ZMYM5: variants seen among roughly 807,000 people sequenced by gnomAD.
ZMYM5 encodes the protein zinc finger MYM-type containing 5.
In ZMYM5, 41 loss-of-function variants were observed where a neutral mutation model predicts 61.8. The ratio of observed to expected loss-of-function variants is 0.66; its 90% CI spans 0.52 to 0.86. The LOEUF is 0.86. Among genes scored for constraint, ZMYM5 ranks in the 40% least tolerant of loss-of-function variants. The pLI is 0.00. For synonymous variants in ZMYM5, 257 were observed against 276.4 expected (o/e 0.93, Z 0.70); for missense variants, 706 against 786.7 (o/e 0.90, Z 1.23).
chr13:19,861,345 T>C (rs1050133184), intron 2 of ZMYM5, among the ~76,000 whole-genome samples: 2 of 152,068 alleles, frequency 1.3e-5, no homozygotes, highest in Non-Finnish European at 2.9e-5. Context: ...GAAAGAGTTT[T>C]GCCATGTTGT....
chr13:19,847,266 C>T (rs1316825522), intron 4 of ZMYM5, among the ~76,000 whole-genome samples: 1 of 152,020 alleles, frequency 6.6e-6, no homozygotes, highest in Non-Finnish European at 1.5e-5. Context: ...CTTAATTATA[C>T]GGTTACAAAT....
intron 4 of ZMYM5, among the ~76,000 whole-genome samples, chr13:19,850,682 A>G (rs372149044): frequency 6.6e-6 from 1 of 152,130 alleles, no homozygotes; most frequent in East Asian, 1.9e-4. Flanking sequence ...GCAAAAATTG[A>G]AATTTTAAAT....
intron 7 of ZMYM5, among the ~76,000 whole-genome samples, chr13:19,826,757 T>TAAA (rs34298303): frequency 7.8e-6 from 1 of 128,792 alleles, no homozygotes. Flanking sequence ...TCCGTCTCGT[T>TAAA]AAAAAAAAAA....
At chr13:19,862,996 G>C (rs1378849367) in intron 1 of ZMYM5, among the ~76,000 whole-genome samples, 1 of 152,230 alleles carries the variant, frequency 6.6e-6, no homozygotes, top group Non-Finnish European at 1.5e-5. Context: ...GAGCGAAGGA[G>C]GGGACCCAGC....
At position 19,852,045 on chromosome 13, in the gene ZMYM5, A is replaced by G; in HGVS notation, c.136T>C (p.Ser46Pro). ...GHPACPLVSR[S>P]RNSPVEDDDD... ...TCATCTTCCACTGGTGAGTTCCTAG[A>G]TCTACTGACTAAAGGACAAGCTGGA... The change falls in exon 3 of 8, where the codon TCT becomes CCT. Residue 46 changes from serine (S) to proline (P), a missense_variant. Transcript: ENST00000337963. 1 of 1,613,952 alleles carries G rather than the reference A, an allele frequency of 6.2e-7. No homozygotes were observed.
chr13:19,840,831 C>T (rs1952844946), intron 4 of ZMYM5, among the ~76,000 whole-genome samples: 1 of 152,196 alleles, frequency 6.6e-6, no homozygotes, highest in Non-Finnish European at 1.5e-5. Flanking sequence ...GCACCCGCCA[C>T]CATGCCCGGC....
In ZMYM5 at chr13:19,851,904, G is replaced by C; in HGVS notation, c.277C>G (p.Gln93Glu). The change falls in exon 3 of 8, where the codon CAA (glutamine) becomes GAA (glutamate). Residue 93 changes from glutamine to glutamate, a missense_variant. Around this residue, in one of 2 missense-constraint regions of ZMYM5, gnomAD observed 480 missense variants for 461.7 expected, o/e 1.04. Transcript: ENST00000337963. ...GGAGGAATTACAGAATAATTTCCTTGAGGCTTTTCATTTTTTGATGATGCA... is the reference window on the plus strand; with the variant it reads ...GGAGGAATTACAGAATAATTTCCTTCAGGCTTTTCATTTTTTGATGATGCA... ...IFASSKNEKP[Q>E]GNYSVIPPSS... 6.2e-7 allele frequency: 1 copy of C among 1,612,880 alleles called. No individual in the cohort carries two copies. Among genetic ancestry groups the C allele is most frequent in the Non-Finnish European group, 8.5e-7 (1 of 1,179,750 alleles).
intron 6 of ZMYM5, 140 bp from the exon 7 acceptor site, chr13:19,835,829 T>A (rs1952657091): frequency 1.8e-6 from 1 of 567,608 alleles, no homozygotes. Context: ...GGAAAAGATT[T>A]TTTTTTTTTT....
At chr13:19,860,886 G>A (rs907835141) in intron 2 of ZMYM5, among the ~76,000 whole-genome samples, 1 of 144,050 alleles carries the variant, frequency 6.9e-6, no homozygotes, top group African/African-American at 2.5e-5. Context: ...ATCTCAGGTG[G>A]GGGGGGGGGA....
At chr13:19,844,834 G>A (rs1953018607) in intron 4 of ZMYM5, among the ~76,000 whole-genome samples, 1 of 152,114 alleles carries the variant, frequency 6.6e-6, no homozygotes, top group Non-Finnish European at 1.5e-5. Flanking sequence ...TGTTGGCCAG[G>A]CTGGTCTGAA....
Position 19,824,304 on chromosome 13 carries a change from T to A in ZMYM5, c.*173A>T, listed in dbSNP as rs1890801442. On this transcript the variant is annotated 3_prime_UTR_variant, in exon 8 of 8. Transcript: ENST00000337963. ...GATTGAATCTAATTAGTTTTAGATT[T>A]AGAATGGAAACATTCTTTGCTATTT... 2.9e-6 allele frequency: 1 copy of A among 345,676 alleles called. No individual in the cohort carries two copies. The highest frequency in any genetic ancestry group is 1.5e-4 in the East Asian group (1 of 6,670). 21.4% of individuals were successfully genotyped at this position (345,676 alleles called of 1,614,324 possible). A position where few individuals can be genotyped will look rare whatever the true frequency, so the allele number is the denominator to read the frequency against.
intron 4 of ZMYM5, among the ~76,000 whole-genome samples, chr13:19,846,442 C>G (rs1257190106): frequency 1.3e-5 from 2 of 151,638 alleles, no homozygotes; most frequent in Non-Finnish European, 2.9e-5. Flanking sequence ...TTCAAGAAAA[C>G]AGAGTATTTG....
intron 4 of ZMYM5, among the ~76,000 whole-genome samples, chr13:19,850,794 A>G (rs967818635): frequency 2.0e-5 from 3 of 152,174 alleles, no homozygotes; most frequent in African/African-American, 4.8e-5. Flanking sequence ...TAAAGAAGGT[A>G]AAGTATTTCA....
intron 5 of ZMYM5, among the ~76,000 whole-genome samples, 185 bp from the exon 6 acceptor site, chr13:19,838,006 G>A (rs1395153143): frequency 6.6e-6 from 1 of 152,158 alleles, no homozygotes; most frequent in African/African-American, 2.4e-5. Context: ...TACAGAAAGA[G>A]AAGAGTCAGA....
intron 7 of ZMYM5, among the ~76,000 whole-genome samples, chr13:19,827,888 G>A (rs559542797): frequency 2.0e-4 from 30 of 151,796 alleles, no homozygotes; most frequent in Middle Eastern, 3.4e-3. Context: ...GCGTAGTGGT[G>A]GGCGCCTGTA....
chr13:19,824,866 C>T lies in ZMYM5; in HGVS notation c.1621G>A (p.Val541Ile), dbSNP rs1451489258. 9.6e-6 allele frequency: 13 copies of T among 1,353,838 alleles called. No individual in the cohort carries two copies. Among genetic ancestry groups the T allele is most frequent in the South Asian group, 3.5e-5 (3 of 86,168 alleles). The allele number at this position is 1,353,838 out of a possible 1,614,324, so 83.9% of individuals were successfully genotyped here. ...IKQRDTLVEN[V>I]PPQVRNFNFP... is the part of the protein sequence containing the mutation. ...TTAAAATTTCTTACTTGAGGCGGAA[C>T]ATTTTCAACAAGAGTGTCCCGTTGT... Residue 541 changes from valine (V) to isoleucine (I), a missense_variant, in exon 8 of 8, where the codon GTT becomes ATT. By Grantham distance (29) the Val-to-Ile change is conservative. Coordinates refer to ENST00000337963, the MANE Select transcript of ZMYM5 (RefSeq NM_001142684.2).
intron 5 of ZMYM5, 49 bp from the exon 6 acceptor site, chr13:19,837,870 AC>A: frequency 2.6e-6 from 4 of 1,538,862 alleles, no homozygotes; most frequent in Non-Finnish European, 3.5e-6. Context: ...GAATTTTAAT[AC>A]AAGTCAAATA....
intron 4 of ZMYM5, among the ~76,000 whole-genome samples, chr13:19,840,107 G>A (rs780994040): frequency 6.6e-6 from 1 of 152,186 alleles, no homozygotes; most frequent in South Asian, 2.1e-4. Flanking sequence ...GAGAAACAAG[G>A]TTCTATGATA....
chr13:19,850,805 A>G (rs931901876), intron 4 of ZMYM5, among the ~76,000 whole-genome samples: 4 of 152,206 alleles, frequency 2.6e-5, no homozygotes, highest in Non-Finnish European at 5.9e-5. Context: ...AAGTATTTCA[A>G]TTAAAATATT....
Sources: allele counts gnomAD v4.1 joint callset (sites outside exome capture counted in the v4.1 genomes callset), GRCh38; gene constraint gnomAD v4.1.1; regional missense constraint gnomAD v4.1.1; transcripts MANE v1.5; gene names NCBI Gene and HGNC (gene_info 2026-07-23, HGNC 2026-07-21).